Variants in TMEM132C observed in about 807,000 individuals in gnomAD.
TMEM132C encodes transmembrane protein 132C.
Under a neutral mutation model 61.4 loss-of-function variants are expected in TMEM132C, and 29 were observed. The ratio of observed to expected loss-of-function variants is 0.47; its 90% CI spans 0.35 to 0.64. TMEM132C has a LOEUF of 0.64. Ranked by LOEUF, TMEM132C falls within the 30% of genes least tolerant of loss-of-function variation. The probability of loss-of-function intolerance (pLI) is 0.00; values close to 1 mark genes in which losing one functional copy is unlikely to be tolerated. For missense variants in TMEM132C, 1,408 were observed against 1,476.9 expected, an observed-to-expected ratio of 0.95 and a Z score of 0.76; for synonymous variants, 656 against 633.1, an observed-to-expected ratio of 1.04 and a Z score of -0.54.
intron 2 of TMEM132C, among the ~76,000 whole-genome samples, chr12:128,439,484 G>T (rs1038452089): frequency 6.6e-6 from 1 of 152,190 alleles, no homozygotes; most frequent in Non-Finnish European, 1.5e-5. Context: ...GTGCATGTTA[G>T]ACTTATTATC....
At chr12:128,684,590 C>T (rs1381372786) in intron 5 of TMEM132C, among the ~76,000 whole-genome samples, 3 of 152,208 alleles carry the variant, frequency 2.0e-5, no homozygotes, top group African/African-American at 7.2e-5. Flanking sequence ...CCGAGAACGA[C>T]GGGAGATGTG....
intron 2 of TMEM132C, among the ~76,000 whole-genome samples, chr12:128,519,351 T>C (rs1872822859): frequency 6.6e-6 from 1 of 152,206 alleles, no homozygotes; most frequent in Non-Finnish European, 1.5e-5. Flanking sequence ...AGACAGCAAG[T>C]GTAAACTAGG....
chr12:128,321,368 G>A (rs1872328725), intron 1 of TMEM132C, among the ~76,000 whole-genome samples: 1 of 152,106 alleles, frequency 6.6e-6, no homozygotes, highest in South Asian at 2.1e-4. Flanking sequence ...TGAGTGACAA[G>A]AAGCCAACGT....
chr12:128,573,709 T>C (rs1393569808), intron 3 of TMEM132C, among the ~76,000 whole-genome samples: 11 of 150,708 alleles, frequency 7.3e-5, no homozygotes, highest in Admixed American at 1.3e-4. Context: ...GGAGGGAGGA[T>C]TGGGGAATTA....
intron 5 of TMEM132C, among the ~76,000 whole-genome samples, chr12:128,686,025 A>ATG (rs201307967): frequency 1.4e-5 from 2 of 144,530 alleles, no homozygotes; most frequent in African/African-American, 2.5e-5. Flanking sequence ...GTGTGCATGC[A>ATG]TGTGTGTGTG....
chr12:128,479,525 C>A (rs1362290175), intron 2 of TMEM132C, among the ~76,000 whole-genome samples: 2 of 152,214 alleles, frequency 1.3e-5, no homozygotes, highest in African/African-American at 2.4e-5. Flanking sequence ...TACAAATTCA[C>A]ATTGCAGGGT....
chr12:128,508,919 G>T (rs566833651), intron 2 of TMEM132C, among the ~76,000 whole-genome samples: 1 of 152,312 alleles, frequency 6.6e-6, no homozygotes, highest in South Asian at 2.1e-4. Flanking sequence ...GACTTGCACA[G>T]TTATTCGTCT....
intron 2 of TMEM132C, among the ~76,000 whole-genome samples, chr12:128,524,270 C>A (rs1213191316): frequency 2.0e-5 from 3 of 152,160 alleles, no homozygotes; most frequent in African/African-American, 7.2e-5. Context: ...CAATCCTAGT[C>A]AGCATGTAAC....
chr12:128,311,476 G>C lies in TMEM132C; in HGVS notation c.85+43989G>C, dbSNP rs76677136. On this transcript the variant is annotated intron_variant, in intron 1 of 8. Transcript: ENST00000435159. ...ACACAGCAGGCTCTTGTTGGGAGGGGACCCGCTTCTCTGCCTCTATTCTCT... is the reference window on the plus strand; with the variant it reads ...ACACAGCAGGCTCTTGTTGGGAGGGCACCCGCTTCTCTGCCTCTATTCTCT... 4.7e-3 allele frequency among the ~76,000 whole-genome samples: 723 copies of C among 152,312 alleles called. 3 individuals carry two copies. The highest frequency in any genetic ancestry group is 0.017 in the African/African-American group (693 of 41,548).
At chr12:128,683,845 C>A (rs867430450) in intron 5 of TMEM132C, among the ~76,000 whole-genome samples, 2 of 152,060 alleles carry the variant, frequency 1.3e-5, no homozygotes, top group Non-Finnish European at 2.9e-5. Context: ...GGATGCCTGT[C>A]GTCCCAAGTA....
At chr12:128,456,676 G>A (rs772904666) in intron 2 of TMEM132C, among the ~76,000 whole-genome samples, 7 of 151,970 alleles carry the variant, frequency 4.6e-5, no homozygotes, top group Admixed American at 2.0e-4. Context: ...TCAAAGTGCA[G>A]GGATTACAGG....
At chr12:128,370,877 C>G (rs1565915502) in intron 1 of TMEM132C, among the ~76,000 whole-genome samples, 2 of 152,154 alleles carry the variant, frequency 1.3e-5, no homozygotes, top group Non-Finnish European at 2.9e-5. Flanking sequence ...ATAATAGCAG[C>G]TACCCCTGAG....
chr12:128,690,294 GGACTAAAAA>G (rs1199578165), intron 5 of TMEM132C, among the ~76,000 whole-genome samples: 2 of 152,188 alleles, frequency 1.3e-5, no homozygotes, highest in Non-Finnish European at 2.9e-5. Context: ...CAAAGCCGAG[GGACTAAAAA>G]GACTCCTGTG....
At chr12:128,639,156 G>GTGATGGTGATGGTGGTGGTGGTGA (rs1954131387) in intron 4 of TMEM132C, among the ~76,000 whole-genome samples, 1 of 147,984 alleles carries the variant, frequency 6.8e-6, no homozygotes, top group African/African-American at 2.5e-5. Flanking sequence ...GATGATGATG[G>GTGATGGTGATGGTGGTGGTGGTGA]TGATGGTGGT....
intron 1 of TMEM132C, among the ~76,000 whole-genome samples, chr12:128,322,955 C>T (rs1243445191): frequency 6.6e-6 from 1 of 152,164 alleles, no homozygotes; most frequent in Admixed American, 6.6e-5. Context: ...CCCATGCATT[C>T]ATTCAGCATA....
intron 3 of TMEM132C, among the ~76,000 whole-genome samples, chr12:128,599,444 G>T (rs1876089514): frequency 6.6e-6 from 1 of 152,192 alleles, no homozygotes; most frequent in African/African-American, 2.4e-5. Flanking sequence ...TGATGGCCAG[G>T]GCACCTGGGC....
chr12:128,309,665 G>A (rs531539161), intron 1 of TMEM132C, among the ~76,000 whole-genome samples: 3 of 151,938 alleles, frequency 2.0e-5, no homozygotes, highest in East Asian at 1.9e-4. Context: ...TCTCTCACTC[G>A]GCATCACTTC....
chr12:128,381,725 C>G (rs1205074915), intron 1 of TMEM132C, among the ~76,000 whole-genome samples: 2 of 152,164 alleles, frequency 1.3e-5, no homozygotes, highest in African/African-American at 4.8e-5. Flanking sequence ...TTAATACCCT[C>G]CACAAAGAGC....
At chr12:128,572,004 T>TATGC (rs1874900907) in intron 3 of TMEM132C, among the ~76,000 whole-genome samples, 1 of 152,188 alleles carries the variant, frequency 6.6e-6, no homozygotes, top group Non-Finnish European at 1.5e-5. Context: ...CAATCATATG[T>TATGC]CTCTGCTGGC....
Sources: allele counts gnomAD v4.1 joint callset (sites outside exome capture counted in the v4.1 genomes callset), GRCh38; gene constraint gnomAD v4.1.1; transcripts MANE v1.5; gene names NCBI Gene and HGNC (gene_info 2026-07-23, HGNC 2026-07-21).